The following TMOD2 variants were observed in gnomAD, a reference collection of about 807,000 sequenced individuals.
The protein encoded by TMOD2 is tropomodulin-2.
Under a neutral mutation model 39.9 loss-of-function variants are expected in TMOD2, and 22 were observed. That is an observed-to-expected ratio of 0.55 (90% CI 0.39 to 0.79). TMOD2 has a LOEUF of 0.79. Among genes scored for constraint, TMOD2 ranks in the 30% least tolerant of loss-of-function variants. The pLI, the probability that TMOD2 is intolerant of heterozygous loss-of-function variation, is 0.00. For missense variants in TMOD2, 386 were observed against 413.3 expected, an observed-to-expected ratio of 0.93 and a Z score of 0.57; for synonymous variants, 123 against 146.1, an observed-to-expected ratio of 0.84 and a Z score of 1.14.
chr15:51,788,627 G>A (rs1041284049), intron 7 of TMOD2, among the ~76,000 whole-genome samples: 8 of 152,206 alleles, frequency 5.3e-5, no homozygotes, highest in Admixed American at 2.0e-4. Flanking sequence ...CAGAGAGAAA[G>A]GTTGGGTTAA....
At chr15:51,782,881 T>G in intron 7 of TMOD2, 53 bp downstream of exon 7, 1 of 1,525,194 alleles carries the variant, frequency 6.6e-7, no homozygotes, top group Non-Finnish European at 9.0e-7. Flanking sequence ...CACTGGAAAC[T>G]CTATTTACTT....
At chr15:51,758,131 T>C (rs1279259121) in intron 1 of TMOD2, among the ~76,000 whole-genome samples, 1 of 151,902 alleles carries the variant, frequency 6.6e-6, no homozygotes, top group Non-Finnish European at 1.5e-5. Flanking sequence ...AATCTTCAGA[T>C]CAAAGTTGTG....
chr15:51,779,353 A>C (rs545799887), intron 5 of TMOD2, among the ~76,000 whole-genome samples: 12 of 151,854 alleles, frequency 7.9e-5, no homozygotes, highest in Non-Finnish European at 1.3e-4. Flanking sequence ...CAGTACTTAC[A>C]GGTTTCCTTC....
rs994296075 is a variant in TMOD2, at chr15:51,812,244, C to T, written c.*3790C>T. On this transcript the variant is annotated 3_prime_UTR_variant, in exon 10 of 10. Coordinates refer to ENST00000249700, the MANE Select transcript of TMOD2 (RefSeq NM_014548.4). ...AAATCATCCCAGTGCCTGTACTCCTCAAACCAATTTCCCTAAGGGAAGACT... is the reference window on the plus strand; with the variant it reads ...AAATCATCCCAGTGCCTGTACTCCTTAAACCAATTTCCCTAAGGGAAGACT... 9 of 152,198 alleles carry T rather than the reference C, an allele frequency of 5.9e-5. No homozygotes were observed. Among genetic ancestry groups the T allele is most frequent in the African/African-American group, 2.2e-4 (9 of 41,432 alleles). 9.4% of individuals were successfully genotyped at this position (152,198 alleles called of 1,614,324 possible).
intron 2 of TMOD2, among the ~76,000 whole-genome samples, chr15:51,767,529 G>C (rs1012182486): frequency 6.6e-6 from 1 of 151,982 alleles, no homozygotes; most frequent in Non-Finnish European, 1.5e-5. Context: ...ACTTTCTTCA[G>C]ACCTGCTGGT....
intron 5 of TMOD2, among the ~76,000 whole-genome samples, chr15:51,780,165 A>G (rs984662872): frequency 3.3e-5 from 5 of 152,240 alleles, no homozygotes; most frequent in African/African-American, 1.2e-4. Context: ...TTTTGTAGGT[A>G]AGACTTCTAG....
At chr15:51,794,721 C>G (rs1050384639) in intron 7 of TMOD2, among the ~76,000 whole-genome samples, 6 of 152,078 alleles carry the variant, frequency 3.9e-5, no homozygotes, top group African/African-American at 1.4e-4. Context: ...TGTAGAAAAC[C>G]AGTAATATAC....
At chr15:51,780,061 G>A (rs2055919163) in intron 5 of TMOD2, among the ~76,000 whole-genome samples, 1 of 152,126 alleles carries the variant, frequency 6.6e-6, no homozygotes, top group Admixed American at 6.5e-5. Context: ...TTTCATATTG[G>A]TGGACATTTT....
intron 4 of TMOD2, among the ~76,000 whole-genome samples, chr15:51,775,609 A>T (rs142820783): frequency 5.0e-4 from 56 of 111,430 alleles, no homozygotes; most frequent in African/African-American, 1.7e-3. Context: ...ACGGAGTCTC[A>T]CTCTGTCACC....
rs752688016 is a variant in TMOD2, at chr15:51,814,275, G to T, written c.*5821G>T. On this transcript the variant is annotated 3_prime_UTR_variant, in exon 10 of 10. Transcript: ENST00000249700. Reference sequence around the variant, plus strand: ...GAGAAGAGTGTCCTTAGGGTTTCAAGAATTTTAATGCCTAGCAGCTGAGTA... The same window carrying T: ...GAGAAGAGTGTCCTTAGGGTTTCAATAATTTTAATGCCTAGCAGCTGAGTA... 2 of 152,270 alleles carry T rather than the reference G, an allele frequency of 1.3e-5. No homozygotes were observed. The highest frequency in any genetic ancestry group is 2.9e-5 in the Non-Finnish European group (2 of 68,086). The allele number at this position is 152,270 out of a possible 1,614,324, so 9.4% of individuals were successfully genotyped here. A position where few individuals can be genotyped will look rare whatever the true frequency, so the allele number is the denominator to read the frequency against.
intron 6 of TMOD2, among the ~76,000 whole-genome samples, chr15:51,782,287 G>A (rs1212711479): frequency 6.6e-6 from 1 of 152,180 alleles, no homozygotes; most frequent in Admixed American, 6.5e-5. Flanking sequence ...CAAAGGAGAT[G>A]ATATTACATC....
At chr15:51,802,251 A>G (rs796464301) in intron 8 of TMOD2, among the ~76,000 whole-genome samples, 1 of 152,220 alleles carries the variant, frequency 6.6e-6, no homozygotes, top group Admixed American at 6.5e-5. Context: ...TCTATTATTA[A>G]TATTTCCTAT....
chr15:51,777,001 G>A lies in TMOD2; in HGVS notation c.476G>A (p.Gly159Asp), dbSNP rs772411391. ...FDEETANNKG[G>D]KGPVRNVVKG... ...GAAGAAACAGCCAACAATAAAGGTG[G>A]CAAAGGACCTGTCAGAAGTAAGTTG... Residue 159 changes from glycine to aspartate, a missense_variant, in exon 5 of 10, where the codon GGC (glycine) becomes GAC (aspartate). Transcript: ENST00000249700. 8.7e-6 allele frequency: 14 copies of A among 1,613,646 alleles called. No individual in the cohort carries two copies. In the South Asian group the frequency reaches 1.2e-4, roughly 14 times the overall value.
At chr15:51,782,551 C>A (rs1281180659) in intron 6 of TMOD2, among the ~76,000 whole-genome samples, 170 bp from the exon 7 acceptor site, 3 of 152,170 alleles carry the variant, frequency 2.0e-5, no homozygotes, top group Non-Finnish European at 4.4e-5. Flanking sequence ...CTAAGTGGTG[C>A]TGTTAGCTCA....
intron 3 of TMOD2, among the ~76,000 whole-genome samples, chr15:51,769,237 G>T (rs2055837407): frequency 6.6e-6 from 1 of 152,236 alleles, no homozygotes; most frequent in African/African-American, 2.4e-5. Flanking sequence ...TCATGCCTGA[G>T]AGTTTCCTAG....
intron 1 of TMOD2, among the ~76,000 whole-genome samples, chr15:51,756,744 T>C (rs566367564): frequency 1.6e-3 from 249 of 152,350 alleles, no homozygotes; most frequent in Middle Eastern, 3.4e-3. Context: ...CTCTTTCAGC[T>C]TGTTCCTTCC....
intron 3 of TMOD2, among the ~76,000 whole-genome samples, chr15:51,770,930 A>G (rs1171964040): frequency 1.3e-5 from 2 of 152,218 alleles, no homozygotes; most frequent in Admixed American, 1.3e-4. Context: ...TTTAATTGTG[A>G]AAAAAATTAT....
rs761496097 is a variant in TMOD2 at position 51,812,571 on chromosome 15, TTA to T, written c.*4121_*4122del. 3 of 152,178 alleles carry T rather than the reference TTA, an allele frequency of 2.0e-5. No individual in the cohort carries two copies. The highest frequency in any genetic ancestry group is 2.9e-5 in the Non-Finnish European group (2 of 68,022). 9.4% of individuals were successfully genotyped at this position (152,178 alleles called of 1,614,324 possible). A position where few individuals can be genotyped will look rare whatever the true frequency, so the allele number is the denominator to read the frequency against. Reference sequence around the variant, plus strand: ...ATAAAAATTCTGGACTAATATAATTTTATATGTGTTTCTGAGATTGGGGAGTA... The same window carrying T: ...ATAAAAATTCTGGACTAATATAATTTTATGTGTTTCTGAGATTGGGGAGTA... On this transcript the variant is annotated 3_prime_UTR_variant, in exon 10 of 10. Transcript: ENST00000249700.
At chr15:51,804,170 T>A (rs775805155) in intron 8 of TMOD2, among the ~76,000 whole-genome samples, 1 of 152,194 alleles carries the variant, frequency 6.6e-6, no homozygotes, top group African/African-American at 2.4e-5. Flanking sequence ...GCAGTTTTGT[T>A]TGGGATAGTG....
Sources: gnomAD v4.1 joint callset for allele counts (sites outside exome capture counted in the v4.1 genomes callset) on GRCh38, gnomAD v4.1.1 for gene constraint, MANE v1.5 for transcripts, NCBI Gene and HGNC (gene_info 2026-07-23, HGNC 2026-07-21) for gene names.